RPH3A: variants seen among roughly 807,000 people sequenced by gnomAD.
RPH3A encodes rabphilin-3A.
RPH3A carries 48 observed loss-of-function variants against 102.2 expected under a neutral mutation model. The ratio of observed to expected loss-of-function variants is 0.47; its 90% CI spans 0.37 to 0.60. The LOEUF (loss-of-function observed/expected upper bound fraction) is 0.60, where lower values mean the gene tolerates loss of function less well. Among genes scored for constraint, RPH3A ranks in the 20% least tolerant of loss-of-function variants. The probability of loss-of-function intolerance (pLI) is 0.00; values close to 1 mark genes in which losing one functional copy is unlikely to be tolerated. For synonymous variants in RPH3A, 310 were observed against 324.3 expected (o/e 0.96, Z 0.47); for missense variants, 781 against 910.1 (o/e 0.86, Z 1.83).
chr12:112,868,155 C>T (rs922868595), intron 7 of RPH3A: 27 of 376,416 alleles, frequency 7.2e-5, no homozygotes, highest in Non-Finnish European at 1.1e-4. Flanking sequence ...TAGCTGTGTA[C>T]TATTGGACCA....
intron 1 of RPH3A, among the ~76,000 whole-genome samples, chr12:112,724,954 C>T (rs1363507448): frequency 2.7e-5 from 4 of 145,948 alleles, no homozygotes; most frequent in African/African-American, 7.7e-5. Flanking sequence ...GGTGACAGAG[C>T]GAGACTCTGC....
At chr12:112,872,309 G>C (rs2042722984) in intron 10 of RPH3A, among the ~76,000 whole-genome samples, 2 of 152,146 alleles carry the variant, frequency 1.3e-5, no homozygotes, top group African/African-American at 4.8e-5. Context: ...TAGTGATACT[G>C]AGCATCTTTT....
intron 1 of RPH3A, among the ~76,000 whole-genome samples, chr12:112,741,508 T>A (rs1357689767): frequency 6.6e-6 from 1 of 152,208 alleles, no homozygotes; most frequent in East Asian, 1.9e-4. Flanking sequence ...ACCGCTTTAA[T>A]GAGAGTTTGG....
chr12:112,764,485 G>A (rs1258491596), intron 1 of RPH3A, among the ~76,000 whole-genome samples: 1 of 152,160 alleles, frequency 6.6e-6, no homozygotes, highest in Non-Finnish European at 1.5e-5. Flanking sequence ...CCTAGATCCT[G>A]ACTAGGGAAG....
At chr12:112,576,829 CCT>C (rs1385407181) in intron 1 of RPH3A, among the ~76,000 whole-genome samples, 2 of 151,260 alleles carry the variant, frequency 1.3e-5, no homozygotes, top group African/African-American at 4.9e-5. Flanking sequence ...TGAGCTATTC[CCT>C]CTTATAAAAC....
At chr12:112,801,560 G>A (rs2041354791) in intron 2 of RPH3A, among the ~76,000 whole-genome samples, 1 of 152,160 alleles carries the variant, frequency 6.6e-6, no homozygotes, top group African/African-American at 2.4e-5. Context: ...ACTCGTGTTG[G>A]TGACCCGGAG....
chr12:112,816,660 C>T (rs1309449453), intron 2 of RPH3A, among the ~76,000 whole-genome samples: 5 of 152,222 alleles, frequency 3.3e-5, no homozygotes, highest in African/African-American at 1.2e-4. Flanking sequence ...AAGACAACGA[C>T]GGTACTCAAC....
At chr12:112,865,033 G>C (rs913470135) in intron 5 of RPH3A, among the ~76,000 whole-genome samples, 24 of 152,178 alleles carry the variant, frequency 1.6e-4, no homozygotes, top group African/African-American at 5.8e-4. Context: ...GAGTTTGAAA[G>C]GGTAAGTTTG....
At chr12:112,826,090 C>T (rs2041865826) in intron 2 of RPH3A, among the ~76,000 whole-genome samples, 1 of 143,792 alleles carries the variant, frequency 7.0e-6, no homozygotes. Context: ...TGAAGCTCTC[C>T]CTACACCGAC....
intron 1 of RPH3A, among the ~76,000 whole-genome samples, chr12:112,644,108 C>T (rs1005331605): frequency 2.0e-5 from 3 of 151,930 alleles, no homozygotes; most frequent in Non-Finnish European, 2.9e-5. Flanking sequence ...CACACATGGG[C>T]GTAGAGAGTG....
chr12:112,881,580 A>G (rs1440001630), intron 14 of RPH3A, among the ~76,000 whole-genome samples, 192 bp from the exon 15 acceptor site: 1 of 152,242 alleles, frequency 6.6e-6, no homozygotes, highest in African/African-American at 2.4e-5. Context: ...TGACATGGCC[A>G]GGTTTAAAAC....
At chr12:112,583,261 G>A (rs2135959451) in intron 1 of RPH3A, among the ~76,000 whole-genome samples, 1 of 152,270 alleles carries the variant, frequency 6.6e-6, no homozygotes, top group Non-Finnish European at 1.5e-5. Context: ...AATAGTGCCA[G>A]GTATTGTCCA....
chr12:112,680,484 A>C (rs1010289699), intron 1 of RPH3A, among the ~76,000 whole-genome samples: 16 of 152,176 alleles, frequency 1.1e-4, no homozygotes, highest in African/African-American at 3.9e-4. Flanking sequence ...TTAATAGATG[A>C]GGAAACTGAG....
chr12:112,666,865 A>G (rs2040086334), intron 1 of RPH3A, among the ~76,000 whole-genome samples: 1 of 152,106 alleles, frequency 6.6e-6, no homozygotes, highest in Admixed American at 6.5e-5. Context: ...AATGGGTTTT[A>G]TTTTCATCAT....
At chr12:112,865,361 G>A in intron 5 of RPH3A, 53 bp from the exon 6 acceptor site, 1 of 1,598,218 alleles carries the variant, frequency 6.3e-7, no homozygotes, top group Non-Finnish European at 8.5e-7. Context: ...TGTGGGGTAT[G>A]CTGGTGGTCC....
chr12:112,653,243 G>A (rs146745179), intron 1 of RPH3A, among the ~76,000 whole-genome samples: 63 of 151,738 alleles, frequency 4.2e-4, no homozygotes, highest in African/African-American at 1.5e-3. Context: ...ACAAAAATTA[G>A]CCTGTATTCC....
chr12:112,598,207 T>C (rs1179301244), intron 1 of RPH3A, among the ~76,000 whole-genome samples: 1 of 152,238 alleles, frequency 6.6e-6, no homozygotes, highest in African/African-American at 2.4e-5. Flanking sequence ...GGAAGTATTC[T>C]TCATTCACAT....
At chr12:112,620,097 CT>C (rs2135979710) in intron 1 of RPH3A, among the ~76,000 whole-genome samples, 1 of 152,338 alleles carries the variant, frequency 6.6e-6, no homozygotes, top group South Asian at 2.1e-4. Context: ...TAAGCTGCCC[CT>C]GTGATGGTGT....
chr12:112,596,143 T>C (rs147060419), intron 1 of RPH3A, among the ~76,000 whole-genome samples: 1 of 152,180 alleles, frequency 6.6e-6, no homozygotes, highest in Non-Finnish European at 1.5e-5. Context: ...CTCTTCATTT[T>C]TTTGTTTCTT....
Sources: gnomAD v4.1 joint callset for allele counts (sites outside exome capture counted in the v4.1 genomes callset) on GRCh38, gnomAD v4.1.1 for gene constraint, MANE v1.5 for transcripts, NCBI Gene and HGNC (gene_info 2026-07-23, HGNC 2026-07-21) for gene names.